The following DENND4C variants were observed in gnomAD, a reference collection of about 807,000 sequenced individuals.
The protein encoded by DENND4C is DENN domain-containing protein 4C.
Under a neutral mutation model 203.0 loss-of-function variants are expected in DENND4C, and 108 were observed. That is an observed-to-expected ratio of 0.53 (90% CI 0.46 to 0.62). The LOEUF is 0.62. DENND4C is among the 20% of genes least tolerant of loss of function. The pLI is 0.00. For missense variants in DENND4C, 2,481 were observed against 2,301.2 expected (o/e 1.08, Z -1.60); for synonymous variants, 871 against 792.4 (o/e 1.10, Z -1.67).
intron 2 of DENND4C, among the ~76,000 whole-genome samples, chr9:19,279,552 C>T (rs1833609093): frequency 1.3e-5 from 2 of 151,972 alleles, no homozygotes; most frequent in Admixed American, 1.3e-4. Context: ...TGGCGAGCAC[C>T]TGTAGTTCCT....
chr9:19,374,277 G>A lies in DENND4C; in HGVS notation c.*2104G>A, dbSNP rs1198078603. On this transcript the variant is annotated 3_prime_UTR_variant, in exon 33 of 33. Transcript: ENST00000434457. The stretch of plus-strand genomic sequence containing the variant: ...AAAAATCTGTAAAGATCTCTACCTT[G>A]AAAACTTTAGTCTGCTGCTGCCATT... Among the ~76,000 whole-genome samples the A allele has an allele frequency of 6.6e-6, 1 of 151,850 alleles. No individual in the cohort carries two copies. The highest frequency in any genetic ancestry group is 1.5e-5 in the Non-Finnish European group (1 of 67,990).
chr9:19,234,294 G>A (rs568654163), intron 1 of DENND4C, among the ~76,000 whole-genome samples: 57 of 151,648 alleles, frequency 3.8e-4, no homozygotes, highest in Non-Finnish European at 6.0e-4. Context: ...GCAGTGGCGC[G>A]ATCTCAGCTC....
At chr9:19,276,998 G>T (rs1480831350) in intron 2 of DENND4C, among the ~76,000 whole-genome samples, 5 of 151,882 alleles carry the variant, frequency 3.3e-5, no homozygotes, top group Non-Finnish European at 5.9e-5. Context: ...TAGTCTACCA[G>T]TGAAGGACAT....
intron 10 of DENND4C, among the ~76,000 whole-genome samples, chr9:19,307,659 A>G (rs1415239490): frequency 6.6e-6 from 1 of 150,406 alleles, no homozygotes. Context: ...AATCCCAACT[A>G]CTCGGGAGTC....
At position 19,290,832 on chromosome 9, in the gene DENND4C, C is replaced by A. The variant is rs1218068964; in HGVS notation, c.757C>A (p.Pro253Thr). The A allele has an allele frequency of 4.3e-6, 7 of 1,613,448 alleles. No individual in the cohort carries two copies. The highest frequency in any genetic ancestry group is 5.9e-6 in the Non-Finnish European group (7 of 1,179,756). ...CWDPETKYPL[P>T]VFSTFVLTGS... ...GGATCCTGAAACCAAATATCCACTT[C>A]CAGTTTTTTCAACTTTTGTCTTGAC... The change falls in exon 5 of 33, where the codon CCA (proline) becomes ACA (threonine). Residue 253 changes from proline to threonine, a missense_variant. Pro to Thr is a conservative substitution (Grantham distance 38). This residue lies in a region of DENND4C where 2,289 missense variants were observed against 2,113.3 expected (regional missense o/e 1.08). Transcript: ENST00000434457.
In DENND4C at chr9:19,286,797, A is replaced by C; in HGVS notation, c.334A>C (p.Ile112Leu). 8.1e-7 allele frequency: 1 copy of C among 1,232,128 alleles called. No individual in the cohort carries two copies. Among genetic ancestry groups the C allele is most frequent in the Non-Finnish European group, 1.0e-6 (1 of 987,962 alleles). The allele number at this position is 1,232,128 out of a possible 1,614,324, so 76.3% of individuals were successfully genotyped here. Residue 112 changes from isoleucine (I) to leucine (L), a missense_variant, in exon 3 of 33, where the codon ATT becomes CTT. Ile to Leu is a conservative substitution (Grantham distance 5, BLOSUM62 2). This residue lies in a region of DENND4C where 187 missense variants were observed against 167.4 expected (regional missense o/e 1.12). Transcript: ENST00000434457. ...TCTATATGAAGGGAAAGAACGGCTT[A>C]TTCCAGGATGTGAAGTGATCCTAGC... ...GVLYEGKERL[I>L]PGCEVILATP...
intron 1 of DENND4C, among the ~76,000 whole-genome samples, chr9:19,267,422 A>T (rs927845375): frequency 6.6e-6 from 1 of 150,952 alleles, no homozygotes; most frequent in African/African-American, 2.4e-5. Context: ...AAGTATACCT[A>T]CTCCTGCTCT....
At chr9:19,326,432 C>T (rs1239971737) in intron 15 of DENND4C, among the ~76,000 whole-genome samples, 1 of 152,062 alleles carries the variant, frequency 6.6e-6, no homozygotes, top group African/African-American at 2.4e-5. Flanking sequence ...TTAAAAGTTT[C>T]AATTCTGAAG....
intron 20 of DENND4C, 129 bp downstream of exon 20, chr9:19,336,961 GA>G (rs1588947642): frequency 4.6e-6 from 4 of 877,080 alleles, no homozygotes. Context: ...GCTTACAAGA[GA>G]AACAATACGA....
At chr9:19,243,879 G>A (rs1353711272) in intron 1 of DENND4C, among the ~76,000 whole-genome samples, 3 of 152,220 alleles carry the variant, frequency 2.0e-5, no homozygotes, top group South Asian at 2.1e-4. Flanking sequence ...TGGCACAGTC[G>A]TCGCTCACTG....
chr9:19,299,964 C>T (rs1351540797), intron 8 of DENND4C, among the ~76,000 whole-genome samples: 1 of 152,208 alleles, frequency 6.6e-6, no homozygotes, highest in East Asian at 1.9e-4. Flanking sequence ...ACTCAAATGG[C>T]TGTTCAGGAA....
intron 1 of DENND4C, among the ~76,000 whole-genome samples, chr9:19,247,263 A>G (rs1394827904): frequency 1.3e-5 from 2 of 152,090 alleles, no homozygotes; most frequent in Non-Finnish European, 2.9e-5. Flanking sequence ...TTTCTTTATC[A>G]GTATTCGTCA....
chr9:19,315,138 C>A (rs866022889), intron 10 of DENND4C, among the ~76,000 whole-genome samples: 1 of 128,920 alleles, frequency 7.8e-6, no homozygotes, highest in African/African-American at 3.0e-5. Context: ...CCAGCCTGGA[C>A]GACAGAGACT....
At chr9:19,318,220 A>T (rs1375161714) in intron 12 of DENND4C, among the ~76,000 whole-genome samples, 2 of 152,048 alleles carry the variant, frequency 1.3e-5, no homozygotes, top group African/African-American at 4.8e-5. Flanking sequence ...TCGGGAGGCT[A>T]AGGGAGGAGA....
rs756090615 is a variant in DENND4C at position 19,283,213 on chromosome 9, GAC to G, written c.306-3552_306-3551del. ...ATTTTGTTAAAATTTAAGACAAAAA[GAC>G]ACATGTTAGCCTAGCCCTACAGAGT... On this transcript the variant is annotated intron_variant, in intron 2 of 32. Coordinates refer to ENST00000434457, the MANE Select transcript of DENND4C (RefSeq NM_001330640.2). Among the ~76,000 whole-genome samples the G allele has an allele frequency of 1.5e-3, 232 of 151,848 alleles. 1 individual carries two copies. Among genetic ancestry groups the G allele is most frequent in the Non-Finnish European group, 2.5e-3 (169 of 67,964 alleles).
At chr9:19,263,762 T>C (rs113309808) in intron 1 of DENND4C, among the ~76,000 whole-genome samples, 8,057 of 151,714 alleles carry the variant, frequency 0.053, 355 homozygotes, top group African/African-American at 0.12. Flanking sequence ...TCAAGCGATT[T>C]TCTTGCCTCA....
chr9:19,350,208 C>T (rs796934483), intron 23 of DENND4C, among the ~76,000 whole-genome samples: 11 of 152,192 alleles, frequency 7.2e-5, no homozygotes, highest in African/African-American at 2.4e-4. Flanking sequence ...GATTCCCAGC[C>T]GAAATTATCA....
intron 6 of DENND4C, 122 bp from the exon 7 acceptor site, chr9:19,297,934 A>G: frequency 2.8e-6 from 2 of 721,310 alleles, no homozygotes; most frequent in Middle Eastern, 4.1e-4. Context: ...TACTTAGCCT[A>G]CATTTTAGAT....
chr9:19,310,171 A>T (rs1030935970), intron 10 of DENND4C, among the ~76,000 whole-genome samples: 1 of 152,162 alleles, frequency 6.6e-6, no homozygotes, highest in Non-Finnish European at 1.5e-5. Context: ...TTTGTATATT[A>T]TCTTCAATTT....
Sources: allele counts gnomAD v4.1 joint callset (sites outside exome capture counted in the v4.1 genomes callset), GRCh38; gene constraint gnomAD v4.1.1; regional missense constraint gnomAD v4.1.1; transcripts MANE v1.5; gene names NCBI Gene and HGNC (gene_info 2026-07-23, HGNC 2026-07-21).